DIS3L2: variants seen among roughly 807,000 people sequenced by gnomAD.
The protein encoded by DIS3L2 is DIS3-like exonuclease 2.
A neutral mutation model predicts 97.5 loss-of-function variants in DIS3L2; 34 were observed. The ratio of observed to expected loss-of-function variants is 0.35; its 90% CI spans 0.27 to 0.46. DIS3L2 has a LOEUF of 0.46. Among genes scored for constraint, DIS3L2 ranks in the 20% least tolerant of loss-of-function variants. DIS3L2 has a pLI of 1.00. For synonymous variants in DIS3L2, 435 were observed against 445.2 expected, an observed-to-expected ratio of 0.98 and a Z score of 0.29; for missense variants, 1,038 against 1,146.0, an observed-to-expected ratio of 0.91 and a Z score of 1.36.
At chr2:232,198,466 T>C (rs1244592384) in intron 9 of DIS3L2, 1 of 152,198 alleles carries the variant, frequency 6.6e-6, no homozygotes, top group African/African-American at 2.4e-5. Context: ...TTGTATTAAT[T>C]AGTATTCTCA....
intron 9 of DIS3L2, among the ~76,000 whole-genome samples, chr2:232,195,500 T>C (rs1327456368): frequency 7.6e-6 from 1 of 130,958 alleles, no homozygotes; most frequent in Non-Finnish European, 1.5e-5. Context: ...GATGAAATCA[T>C]AGGGAGTTGA....
rs1229213449 is a variant in DIS3L2, at chr2:232,325,465, G to GC, written c.1740-4347dup. Reference sequence around the variant, plus strand: ...GTCTGCCACAGTTTGTGAGGGGCTCGCTGAGCCTCATACCTGAGCCTCCCC... The same window carrying GC: ...GTCTGCCACAGTTTGTGAGGGGCTCGCCTGAGCCTCATACCTGAGCCTCCCC... On this transcript the variant is annotated intron_variant, in intron 14 of 20. Transcript: ENST00000325385. This position sits in a 1 kb window ranked among gnomAD's most constrained non-coding sequence, Gnocchi z 4.6. Among the ~76,000 whole-genome samples, 3 of 152,182 alleles carry GC rather than the reference G, an allele frequency of 2.0e-5. No homozygotes were observed. The highest frequency in any genetic ancestry group is 7.2e-5 in the African/African-American group (3 of 41,442).
chr2:232,100,280 G>A (rs1481987261), intron 6 of DIS3L2, among the ~76,000 whole-genome samples: 1 of 148,824 alleles, frequency 6.7e-6, no homozygotes, highest in Non-Finnish European at 1.5e-5. Flanking sequence ...GAAGTGATCT[G>A]CCCACCTTGG....
At chr2:232,144,802 T>A (rs1690171340) in intron 8 of DIS3L2, among the ~76,000 whole-genome samples, 1 of 152,196 alleles carries the variant, frequency 6.6e-6, no homozygotes, top group Non-Finnish European at 1.5e-5. Context: ...ACTTTACACT[T>A]TTAAAGAGTA....
At chr2:232,237,741 G>T (rs990071698) in intron 10 of DIS3L2, among the ~76,000 whole-genome samples, 7 of 151,844 alleles carry the variant, frequency 4.6e-5, no homozygotes, top group Non-Finnish European at 8.8e-5. Context: ...TGGTGGGAGG[G>T]GGGTAGAGGA....
At chr2:232,123,849 G>A (rs1697976979) in intron 6 of DIS3L2, among the ~76,000 whole-genome samples, 1 of 152,180 alleles carries the variant, frequency 6.6e-6, no homozygotes. Flanking sequence ...CACCATCAGG[G>A]TAGACATGAA....
chr2:232,009,527 G>A (rs1258556201), intron 1 of DIS3L2, among the ~76,000 whole-genome samples: 1 of 152,128 alleles, frequency 6.6e-6, no homozygotes, highest in Non-Finnish European at 1.5e-5. Context: ...TATCTTAGTG[G>A]TCAGCCTATG....
chr2:232,184,618 C>T (rs1446745473), intron 9 of DIS3L2, among the ~76,000 whole-genome samples: 1 of 151,714 alleles, frequency 6.6e-6, no homozygotes, highest in Non-Finnish European at 1.5e-5. Flanking sequence ...CCACTGCACT[C>T]CAGCCTGGGA....
At chr2:232,334,321 TC>T (rs776527959) in intron 17 of DIS3L2, 47 bp from the exon 18 acceptor site, 1 of 1,597,986 alleles carries the variant, frequency 6.3e-7, no homozygotes, top group Non-Finnish European at 8.5e-7. Context: ...CCATAGCTCT[TC>T]CCAGCCCCCC....
chr2:232,342,258 CACAT>C lies in DIS3L2; in HGVS notation c.1582-1083_1582-1080del, dbSNP rs780325169. Among the ~76,000 whole-genome samples, 1,154 of 145,780 alleles carry C rather than the reference CACAT, an allele frequency of 7.9e-3. 9 individuals carry two copies. The highest frequency in any genetic ancestry group is 0.021 in the African/African-American group (859 of 40,662). ...ACACATACACATATATACACATACACACATACACATATACATATATACACATATA... is the reference window on the plus strand; with the variant it reads ...ACACATACACATATATACACATACACACACATATACATATATACACATATA... On this transcript the variant is annotated intron_variant, in intron 13 of 13. Coordinates refer to the DIS3L2 transcript ENST00000273009.
intron 10 of DIS3L2, among the ~76,000 whole-genome samples, chr2:232,220,940 T>C (rs1181202874): frequency 1.3e-5 from 2 of 150,942 alleles, no homozygotes; most frequent in African/African-American, 4.9e-5. Context: ...CCGTCTCTAC[T>C]AAAAAATACA....
At chr2:232,115,390 C>T (rs998886979) in intron 6 of DIS3L2, among the ~76,000 whole-genome samples, 1 of 151,914 alleles carries the variant, frequency 6.6e-6, no homozygotes, top group Non-Finnish European at 1.5e-5. Context: ...TTATGTCATA[C>T]GAATGTATTG....
At chr2:232,322,732 G>A (rs923889017) in intron 14 of DIS3L2, among the ~76,000 whole-genome samples, 5 of 152,242 alleles carry the variant, frequency 3.3e-5, no homozygotes, top group Non-Finnish European at 7.3e-5. Flanking sequence ...CCTTGGTAAC[G>A]TGTGGGTGTA....
intron 12 of DIS3L2, among the ~76,000 whole-genome samples, chr2:232,252,409 G>GA (rs1291807299): frequency 6.6e-6 from 1 of 152,108 alleles, no homozygotes; most frequent in East Asian, 1.9e-4. Context: ...AACTCCGTCT[G>GA]AAAAAAATAA....
At chr2:232,016,468 G>A (rs531393823) in intron 3 of DIS3L2, among the ~76,000 whole-genome samples, 30 of 152,268 alleles carry the variant, frequency 2.0e-4, no homozygotes, top group African/African-American at 6.5e-4. Context: ...ATATTGGGGG[G>A]AAATGGGGAA....
chr2:232,045,642 A>T (rs114480897), intron 5 of DIS3L2, among the ~76,000 whole-genome samples: 3 of 147,856 alleles, frequency 2.0e-5, no homozygotes, highest in African/African-American at 7.5e-5. Context: ...AGGAGCCCTC[A>T]TGATATCATC....
intron 14 of DIS3L2, among the ~76,000 whole-genome samples, chr2:232,300,402 C>T (rs1218785782): frequency 6.6e-6 from 1 of 152,168 alleles, no homozygotes; most frequent in Non-Finnish European, 1.5e-5. Context: ...CAGACCCTCC[C>T]CACTCTTGGT....
At chr2:232,113,656 A>G (rs1697611181) in intron 6 of DIS3L2, among the ~76,000 whole-genome samples, 2 of 152,256 alleles carry the variant, frequency 1.3e-5, no homozygotes, top group South Asian at 4.1e-4. Context: ...TAACTGAGTC[A>G]GTGAAAGAGA....
At chr2:232,331,454 A>G (rs1467804497) in intron 16 of DIS3L2, among the ~76,000 whole-genome samples, 5 of 152,204 alleles carry the variant, frequency 3.3e-5, no homozygotes, top group African/African-American at 4.8e-5. Context: ...GGCAGATTCA[A>G]TCTGTTCACA....
Sources: allele counts gnomAD v4.1 joint callset (sites outside exome capture counted in the v4.1 genomes callset), GRCh38; gene constraint gnomAD v4.1.1; non-coding constraint Gnocchi (gnomAD v3.1); transcripts MANE v1.5; gene names NCBI Gene and HGNC (gene_info 2026-07-23, HGNC 2026-07-21).